NLRP3: variants seen among roughly 807,000 people sequenced by gnomAD.
NLRP3 encodes NLR family pyrin domain containing 3, also known as NACHT, LRR and PYD domains-containing protein 3.
In NLRP3, 48 loss-of-function variants were observed where a neutral mutation model predicts 91.3. The ratio of observed to expected loss-of-function variants is 0.53; its 90% CI spans 0.42 to 0.67. The LOEUF (loss-of-function observed/expected upper bound fraction) is 0.67, where lower values mean the gene tolerates loss of function less well. NLRP3 is among the 30% of genes least tolerant of loss of function. The pLI, the probability that NLRP3 is intolerant of heterozygous loss-of-function variation, is 0.00. For missense variants in NLRP3, 982 were observed against 1,276.9 expected (o/e 0.77, Z 3.52); for synonymous variants, 561 against 507.9 (o/e 1.10, Z -1.41).
intron 5 of NLRP3, among the ~76,000 whole-genome samples, chr1:247,432,242 C>G (rs1663386555): frequency 6.6e-6 from 1 of 152,122 alleles, no homozygotes; most frequent in Non-Finnish European, 1.5e-5. Context: ...TTCCAGCCCT[C>G]ACCTGGCTCC....
Position 247,418,733 on chromosome 1 carries a change from C to A in NLRP3, c.-68C>A. 1 of 1,582,874 alleles carries A rather than the reference C, an allele frequency of 6.3e-7. No individual in the cohort carries two copies. The highest frequency in any genetic ancestry group is 1.7e-5 in the Admixed American group (1 of 59,944). ...CTTTAAAAAAGACTCATCCGTGTGCCGTGTTCACTGCCTGGTATCTTAGTG... is the reference window on the plus strand; with the variant it reads ...CTTTAAAAAAGACTCATCCGTGTGCAGTGTTCACTGCCTGGTATCTTAGTG... On this transcript the variant is annotated 5_prime_UTR_variant, in exon 2 of 10. Coordinates refer to ENST00000336119, the MANE Select transcript of NLRP3 (RefSeq NM_001243133.2).
At position 247,423,234 on chromosome 1, in the gene NLRP3, A is replaced by T. The variant is rs374949230; in HGVS notation, c.282A>T (p.Ser94=). 20 of 1,613,916 alleles carry T rather than the reference A, an allele frequency of 1.2e-5. No homozygotes were observed. In the African/African-American group the frequency reaches 2.7e-4, roughly 22 times the overall value. ...CACCTTTTTTTTCCCTTTTAGGTTCAGATAATGCACGTGTTTCGAATCCCA... is the reference window on the plus strand; with the variant it reads ...CACCTTTTTTTTCCCTTTTAGGTTCTGATAATGCACGTGTTTCGAATCCCA... ...KAKRDEPKWG[S]DNARVSNPTV... The change falls in exon 3 of 10, where the codon TCA becomes TCT. Residue 94 remains serine (S), a synonymous_variant. Coordinates refer to ENST00000336119, the MANE Select transcript of NLRP3 (RefSeq NM_001243133.2).
rs150242029 is a variant in NLRP3, at chr1:247,430,171, C to T, written c.2321+416C>T. Among the ~76,000 whole-genome samples, 431 of 152,270 alleles carry T rather than the reference C, an allele frequency of 2.8e-3. 1 individual carries two copies. The highest frequency in any genetic ancestry group is 1.0e-2 in the African/African-American group (414 of 41,560). ...GATTACAGGCATGAGCCACCGCACC[C>T]GGCCGGTGGTGTGGTTTCTGCTGTA... On this transcript the variant is annotated intron_variant, in intron 5 of 9. Transcript: ENST00000336119.
intron 9 of NLRP3, among the ~76,000 whole-genome samples, chr1:247,445,809 T>C (rs1386538395): frequency 1.3e-5 from 2 of 151,802 alleles, no homozygotes; most frequent in Non-Finnish European, 1.5e-5. Context: ...TCCTGACCCT[T>C]ATGTGTTGAA....
chr1:247,428,386 T>A (rs1663060253), intron 4 of NLRP3, among the ~76,000 whole-genome samples: 1 of 152,256 alleles, frequency 6.6e-6, no homozygotes, highest in South Asian at 2.1e-4. Context: ...AGCCTGAGCA[T>A]CTATTAGAAA....
chr1:247,416,700 C>T (rs573773013), intron 1 of NLRP3, among the ~76,000 whole-genome samples: 15 of 150,804 alleles, frequency 9.9e-5, no homozygotes, highest in Admixed American at 9.2e-4. Flanking sequence ...GGAGGGTATG[C>T]GGAGCTAATA....
intron 8 of NLRP3, 123 bp from the exon 9 acceptor site, chr1:247,444,528 A>T: frequency 2.1e-6 from 2 of 975,202 alleles, no homozygotes; most frequent in Non-Finnish European, 1.6e-6. Context: ...GAAGCTAGTT[A>T]GTCCTGTGCT....
rs76255469 is a variant in NLRP3, at chr1:247,436,171, G to A, written c.2663+31G>A. 1.0e-3 allele frequency: 1,633 copies of A among 1,610,686 alleles called. 23 individuals are homozygous for A. In the East Asian group the frequency reaches 0.032, roughly 31 times the overall value. ...TCTTCATGGGTGTCTTACCAGAAAAGTAACTTCTTTTCAGAGGTGAATTAT... is the reference window on the plus strand; with the variant it reads ...TCTTCATGGGTGTCTTACCAGAAAAATAACTTCTTTTCAGAGGTGAATTAT... On this transcript the variant is annotated intron_variant, in intron 7 of 9. Coordinates refer to ENST00000336119, the MANE Select transcript of NLRP3 (RefSeq NM_001243133.2).
intron 5 of NLRP3, among the ~76,000 whole-genome samples, chr1:247,430,626 T>A (rs757196569): frequency 6.6e-6 from 1 of 151,778 alleles, no homozygotes; most frequent in African/African-American, 2.4e-5. Context: ...TGGGGAAGAA[T>A]GAATGAGGAA....
At chr1:247,435,346 C>G (rs1287863205) in intron 6 of NLRP3, among the ~76,000 whole-genome samples, 1 of 152,144 alleles carries the variant, frequency 6.6e-6, no homozygotes, top group Non-Finnish European at 1.5e-5. Flanking sequence ...AAACGTCCTT[C>G]AACGGATGAA....
chr1:247,424,642 A>G lies in NLRP3; in HGVS notation c.1193A>G (p.Gln398Arg), dbSNP rs1356074810. 6.2e-7 allele frequency: 1 copy of G among 1,614,114 alleles called. No homozygotes were observed. Among genetic ancestry groups the G allele is most frequent in the Non-Finnish European group, 8.5e-7 (1 of 1,180,044 alleles). ...AQARAAFSLI[Q>R]ENEVLFTMCF... is the part of the protein sequence containing the mutation. ...GCCAGGGCAGCCTTCAGTCTGATTCAGGAGAACGAGGTCCTCTTCACCATG... is the reference window on the plus strand; with the variant it reads ...GCCAGGGCAGCCTTCAGTCTGATTCGGGAGAACGAGGTCCTCTTCACCATG... Residue 398 changes from glutamine (Q) to arginine (R), a missense_variant, in exon 4 of 10, where the codon CAG becomes CGG. Gln to Arg is a conservative substitution (Grantham distance 43). Transcript: ENST00000336119. The surrounding 1 kb of genome is among the most constrained non-coding windows in gnomAD (Gnocchi z 8.1).
At chr1:247,439,545 C>T (rs1664058477) in intron 7 of NLRP3, among the ~76,000 whole-genome samples, 1 of 152,146 alleles carries the variant, frequency 6.6e-6, no homozygotes, top group Non-Finnish European at 1.5e-5. Flanking sequence ...TGTGAAAGAA[C>T]ACAAGTCATG....
chr1:247,443,450 C>T (rs893162133), intron 7 of NLRP3, among the ~76,000 whole-genome samples: 1 of 151,960 alleles, frequency 6.6e-6, no homozygotes, highest in African/African-American at 2.4e-5. Flanking sequence ...GTGTTCCTGT[C>T]ACAGCCCTAG....
intron 9 of NLRP3, among the ~76,000 whole-genome samples, chr1:247,447,086 A>C (rs1030004118): frequency 2.6e-5 from 4 of 152,210 alleles, no homozygotes; most frequent in Non-Finnish European, 4.4e-5. Context: ...CCATGAATGC[A>C]ATCAACCCGT....
rs547750844 is a variant in NLRP3 at position 247,419,747 on chromosome 1, G to A, written c.277+670G>A. On this transcript the variant is annotated intron_variant, in intron 2 of 9. Coordinates refer to ENST00000336119, the MANE Select transcript of NLRP3 (RefSeq NM_001243133.2). ...GTTCAACTATGTTGTAGCATGTGTC[G>A]GAATTCCCTTCCTTTAAAAAAGACT... Among the ~76,000 whole-genome samples, 4 of 152,160 alleles carry A rather than the reference G, an allele frequency of 2.6e-5. No homozygotes were observed. The South Asian group carries it at 8.3e-4, about 32-fold the overall frequency.
chr1:247,431,265 G>A (rs1663303085), intron 5 of NLRP3, among the ~76,000 whole-genome samples: 1 of 152,114 alleles, frequency 6.6e-6, no homozygotes, highest in African/African-American at 2.4e-5. Context: ...GCCCCACCGC[G>A]CTGGTGCCTG....
intron 4 of NLRP3, among the ~76,000 whole-genome samples, chr1:247,429,079 G>A (rs1318327413): frequency 2.6e-5 from 4 of 152,074 alleles, no homozygotes; most frequent in African/African-American, 9.7e-5. Flanking sequence ...TTTTAGTAGA[G>A]AGAGGGTTTC....
chr1:247,446,467 C>T (rs1236556982), intron 9 of NLRP3, among the ~76,000 whole-genome samples: 3 of 152,220 alleles, frequency 2.0e-5, no homozygotes, highest in African/African-American at 7.2e-5. Context: ...TTCCGCTTCT[C>T]CCAACCCTTG....
rs1491303088 is a variant in NLRP3 at position 247,419,164 on chromosome 1, A to ATATATATTTTT, written c.277+88_277+89insATATATTTTTT. ...CATCTTTATATATATATATATATAT[A>ATATATATTTTT]TTTTTTTTTGAGACGGAGTTGCTCT... On this transcript the variant is annotated intron_variant, in intron 2 of 9. Transcript: ENST00000336119. The ATATATATTTTT allele has an allele frequency of 1.0e-5, 7 of 693,364 alleles. No individual in the cohort carries two copies. In the African/African-American group the frequency reaches 2.5e-4, roughly 24 times the overall value. 43.0% of individuals were successfully genotyped at this position (693,364 alleles called of 1,614,324 possible). A position where few individuals can be genotyped will look rare whatever the true frequency, so the allele number is the denominator to read the frequency against.
Sources: allele counts gnomAD v4.1 joint callset (sites outside exome capture counted in the v4.1 genomes callset), GRCh38; gene constraint gnomAD v4.1.1; non-coding constraint Gnocchi (gnomAD v3.1); transcripts MANE v1.5; gene names NCBI Gene and HGNC (gene_info 2026-07-23, HGNC 2026-07-21).